MCC: variants seen among roughly 807,000 people sequenced by gnomAD.
MCC encodes colorectal mutant cancer protein.
In MCC, 90 loss-of-function variants were observed where a neutral mutation model predicts 116.2. That is an observed-to-expected ratio of 0.77 (90% CI 0.65 to 0.92). MCC has a LOEUF of 0.92. MCC is among the 40% of genes least tolerant of loss of function. The pLI, the probability that MCC is intolerant of heterozygous loss-of-function variation, is 0.00. For synonymous variants in MCC, 578 were observed against 510.5 expected (o/e 1.13, Z -1.78); for missense variants, 1,516 against 1,312.2 (o/e 1.16, Z -2.40).
intron 3 of MCC, among the ~76,000 whole-genome samples, chr5:113,250,468 C>T (rs1159395494): frequency 6.6e-6 from 1 of 152,200 alleles, no homozygotes; most frequent in East Asian, 1.9e-4. Flanking sequence ...GAGTCATCAT[C>T]CCAGTGCAGC....
intron 3 of MCC, among the ~76,000 whole-genome samples, chr5:113,290,292 T>A (rs1272709571): frequency 1.3e-5 from 2 of 152,204 alleles, no homozygotes; most frequent in African/African-American, 4.8e-5. Flanking sequence ...AAATATGATT[T>A]CCAGGGGCAT....
intron 8 of MCC, among the ~76,000 whole-genome samples, chr5:113,094,210 A>G (rs781621447): frequency 4.6e-5 from 7 of 152,138 alleles, no homozygotes; most frequent in Non-Finnish European, 1.0e-4. Context: ...GTGTTTCAGG[A>G]TAGTGGTATT....
At chr5:113,195,907 C>G (rs1269287658) in intron 3 of MCC, among the ~76,000 whole-genome samples, 1 of 152,130 alleles carries the variant, frequency 6.6e-6, no homozygotes, top group Non-Finnish European at 1.5e-5. Flanking sequence ...TCATGGTGGT[C>G]AAGTCACAGC....
At chr5:113,193,789 A>G (rs990487587) in intron 3 of MCC, among the ~76,000 whole-genome samples, 1 of 152,186 alleles carries the variant, frequency 6.6e-6, no homozygotes, top group African/African-American at 2.4e-5. Flanking sequence ...CAATTTGTAC[A>G]CCTAAGTCTA....
chr5:113,386,649 C>T (rs1181500445), intron 1 of MCC, among the ~76,000 whole-genome samples: 1 of 151,906 alleles, frequency 6.6e-6, no homozygotes, highest in African/African-American at 2.4e-5. Flanking sequence ...AGCTCATCAC[C>T]CTGCTTCCAT....
At chr5:113,083,218 A>G (rs1273379384) in intron 10 of MCC, among the ~76,000 whole-genome samples, 1 of 151,980 alleles carries the variant, frequency 6.6e-6, no homozygotes, top group Non-Finnish European at 1.5e-5. Context: ...AACCAGGATC[A>G]AAATATGGCT....
intron 1 of MCC, among the ~76,000 whole-genome samples, chr5:113,447,190 G>T (rs1056847106): frequency 3.9e-5 from 6 of 152,080 alleles, no homozygotes; most frequent in East Asian, 1.9e-4. Context: ...ATAAAATGAT[G>T]ATTTTTAAAG....
At chr5:113,479,343 G>A (rs368003586) in intron 1 of MCC, among the ~76,000 whole-genome samples, 3 of 152,150 alleles carry the variant, frequency 2.0e-5, no homozygotes, top group Non-Finnish European at 4.4e-5. Context: ...ACTAGGAAGG[G>A]GCACAGGAAA....
rs200531341 is a variant in MCC at position 113,104,216 on chromosome 5, G to A, written c.1167C>T (p.Ser389=). 8.1e-5 allele frequency: 131 copies of A among 1,613,282 alleles called. No homozygotes were observed. The highest frequency in any genetic ancestry group is 1.0e-4 in the Non-Finnish European group (119 of 1,179,586). Residue 389 remains serine (S), a synonymous_variant, in exon 7 of 19, where the codon AGC becomes AGT. Transcript: ENST00000408903. The stretch of plus-strand genomic sequence containing the variant: ...CCTTAATAGCCAGGTCACAGTGCTC[G>A]CTGGCTGTGGTGAGCTGCTCAATGT... ...DKHIEQLTTA[S]EHCDLAIKTV...
Position 113,085,240 on chromosome 5 carries a change from G to C in MCC, c.1469C>G (p.Ser490Cys). The C allele has an allele frequency of 6.2e-7, 1 of 1,614,166 alleles. No homozygotes were observed. Among genetic ancestry groups the C allele is most frequent in the Non-Finnish European group, 8.5e-7 (1 of 1,180,042 alleles). ...GCTGGGGTTAATCGGGCGGTTGGTG[G>C]AAGTGAGGCGGCCAGGGCTGGAGGG... ...TGPSSPGRLT[S>C]TNRPINPSTG... is the part of the protein sequence containing the mutation. Residue 490 changes from serine to cysteine, a missense_variant, in exon 9 of 19, where the codon TCC becomes TGC. Physicochemically the swap from Ser to Cys is moderately radical, Grantham distance 112. Transcript: ENST00000408903.
At chr5:113,177,139 G>C (rs1761377905) in intron 3 of MCC, among the ~76,000 whole-genome samples, 1 of 151,984 alleles carries the variant, frequency 6.6e-6, no homozygotes, top group South Asian at 2.1e-4. Context: ...AAGACTTCTT[G>C]AGTCCTAGTG....
At chr5:113,324,330 T>C (rs1767495427) in intron 3 of MCC, among the ~76,000 whole-genome samples, 1 of 152,192 alleles carries the variant, frequency 6.6e-6, no homozygotes, top group Non-Finnish European at 1.5e-5. Context: ...TTTTTAAAAA[T>C]ATATAATTTT....
At position 113,456,704 on chromosome 5, in the gene MCC, C is replaced by T. The variant is rs965300241; in HGVS notation, c.170+31541G>A. Among the ~76,000 whole-genome samples, 7 of 142,094 alleles carry T rather than the reference C, an allele frequency of 4.9e-5. No individual in the cohort carries two copies. In the Admixed American group the frequency reaches 5.2e-4, roughly 11 times the overall value. The allele number at this position is 142,094 out of a possible 152,430, so 93.2% of individuals were successfully genotyped here. Reference sequence around the variant, plus strand: ...GCCAGGATGGTCTCGATCTCCTGACCTCGTGATCCACCTGCCTCGGCCTCC... The same window carrying T: ...GCCAGGATGGTCTCGATCTCCTGACTTCGTGATCCACCTGCCTCGGCCTCC... On this transcript the variant is annotated intron_variant, in intron 1 of 18. Coordinates refer to ENST00000408903, the MANE Select transcript of MCC (RefSeq NM_001085377.2).
At chr5:113,329,465 T>C (rs1306591000) in intron 3 of MCC, among the ~76,000 whole-genome samples, 1 of 144,308 alleles carries the variant, frequency 6.9e-6, no homozygotes, top group Non-Finnish European at 1.5e-5. Flanking sequence ...TATACACACA[T>C]GCATATATAC....
At chr5:113,195,463 G>A (rs1198845501) in intron 3 of MCC, among the ~76,000 whole-genome samples, 1 of 152,062 alleles carries the variant, frequency 6.6e-6, no homozygotes, top group Admixed American at 6.6e-5. Flanking sequence ...TCGTATGACA[G>A]GCAGGTTAAA....
chr5:113,033,735 T>C (rs536508813), intron 17 of MCC, among the ~76,000 whole-genome samples: 43 of 152,294 alleles, frequency 2.8e-4, no homozygotes, highest in African/African-American at 9.1e-4. Context: ...ATATACCCCA[T>C]AGCATCAAGC....
At chr5:113,078,392 T>C (rs1754609620) in intron 11 of MCC, among the ~76,000 whole-genome samples, 1 of 152,170 alleles carries the variant, frequency 6.6e-6, no homozygotes, top group South Asian at 2.1e-4. Context: ...TGATGAACAT[T>C]GATGCAAAGA....
At chr5:113,040,624 A>T (rs1381369047) in intron 17 of MCC, among the ~76,000 whole-genome samples, 1 of 152,220 alleles carries the variant, frequency 6.6e-6, no homozygotes, top group African/African-American at 2.4e-5. Flanking sequence ...TCATCAAGGT[A>T]TATAATACAA....
rs774700449 is a variant in MCC at position 113,053,964 on chromosome 5, G to C, written c.2214-5C>G. On this transcript the variant is annotated splice_region_variant and splice_polypyrimidine_tract_variant and intron_variant, in intron 14 of 18. Coordinates refer to ENST00000408903, the MANE Select transcript of MCC (RefSeq NM_001085377.2). ...CTGGCTGTGGAGCTGGTTGTGCTGA[G>C]AAAGAAGAAAAACAAAGACCCACCA... 5.6e-6 allele frequency: 9 copies of C among 1,604,412 alleles called. No individual in the cohort carries two copies. The Admixed American group carries it at 1.3e-4, about 24-fold the overall frequency.
Sources: allele counts gnomAD v4.1 joint callset (sites outside exome capture counted in the v4.1 genomes callset), GRCh38; gene constraint gnomAD v4.1.1; transcripts MANE v1.5; gene names NCBI Gene and HGNC (gene_info 2026-07-23, HGNC 2026-07-21).